POLQ: variants seen among roughly 807,000 people sequenced by gnomAD.
POLQ encodes DNA polymerase theta, also known as epididymis secretory sperm binding protein.
POLQ carries 233 observed loss-of-function variants against 259.2 expected under a neutral mutation model. The observed-to-expected ratio is 0.90, with a 90% CI of 0.81 to 1.00. The LOEUF (loss-of-function observed/expected upper bound fraction) is 1.00, where lower values mean the gene tolerates loss of function less well. Among genes scored for constraint, POLQ ranks in the 50% least tolerant of loss-of-function variants. The pLI is 0.00. For missense variants in POLQ, 2,871 were observed against 3,051.6 expected (o/e 0.94, Z 1.39); for synonymous variants, 1,025 against 1,048.8 (o/e 0.98, Z 0.44).
rs762692389 is a variant in POLQ, at chr3:121,529,644, C to T, written c.1108+1G>A. 6.2e-7 allele frequency: 1 copy of T among 1,612,908 alleles called. No individual in the cohort carries two copies. Among genetic ancestry groups the T allele is most frequent in the Non-Finnish European group, 8.5e-7 (1 of 1,179,506 alleles). On this transcript the variant is annotated splice_donor_variant, in intron 7 of 29. Coordinates refer to ENST00000264233, the MANE Select transcript of POLQ (RefSeq NM_199420.4). LOFTEE classifies it high-confidence loss of function. Reference sequence around the variant, plus strand: ...GGCTTTCCTTTCCATCCATAACTCACCCTCAGCTTGATGATGTAGATTATA... The same window carrying T: ...GGCTTTCCTTTCCATCCATAACTCATCCTCAGCTTGATGATGTAGATTATA...
chr3:121,499,149 TCTAA>T (rs1410457739), intron 12 of POLQ, among the ~76,000 whole-genome samples: 6 of 152,224 alleles, frequency 3.9e-5, no homozygotes, highest in Middle Eastern at 3.4e-3. Flanking sequence ...TACAAAAATG[TCTAA>T]CTGTGATAAT....
At chr3:121,544,627 C>G (rs1039160618) in intron 2 of POLQ, 100 bp downstream of exon 2, 2 of 699,322 alleles carry the variant, frequency 2.9e-6, no homozygotes, top group East Asian at 2.8e-5. Flanking sequence ...TTATAAAGCA[C>G]TGCCTCATTC....
intron 28 of POLQ, among the ~76,000 whole-genome samples, chr3:121,434,339 T>A (rs1038120918): frequency 3.1e-4 from 47 of 152,354 alleles, no homozygotes; most frequent in African/African-American, 1.1e-3. Context: ...ACTGTCTGTA[T>A]CCTCATTTTG....
chr3:121,537,292 T>C, intron 4 of POLQ, 84 bp from the exon 5 acceptor site: 1 of 756,006 alleles, frequency 1.3e-6, no homozygotes, highest in East Asian at 2.5e-5. Context: ...TCACTCTATT[T>C]AATTTCCTTT....
Position 121,511,984 on chromosome 3 carries a change from A to G in POLQ, c.1514T>C (p.Ile505Thr). 6.2e-7 allele frequency: 1 copy of G among 1,613,546 alleles called. No individual in the cohort carries two copies. The highest frequency in any genetic ancestry group is 8.5e-7 in the Non-Finnish European group (1 of 1,179,524). ...CTTTAGAGAACCCTGAAGGAGAGCT[A>G]TGCCTTTTGATTTCTCAGAGTTCTT... ...ICKNSEKSKG[I>T]ALLQGSLKPV... Residue 505 changes from isoleucine to threonine, a missense_variant, in exon 10 of 30, where the codon ATA becomes ACA. Coordinates refer to ENST00000264233, the MANE Select transcript of POLQ (RefSeq NM_199420.4).
chr3:121,448,013 T>G (rs1328716048), intron 26 of POLQ, among the ~76,000 whole-genome samples: 1 of 152,188 alleles, frequency 6.6e-6, no homozygotes, highest in Non-Finnish European at 1.5e-5. Context: ...TTCTTTGGGT[T>G]AAATCTGTTC....
rs1287915078 is a variant in POLQ at position 121,533,176 on chromosome 3, A to G, written c.774T>C (p.Ala258=). The G allele has an allele frequency of 1.2e-6, 2 of 1,609,460 alleles. No homozygotes were observed. The highest frequency in any genetic ancestry group is 2.2e-5 in the East Asian group (1 of 44,820). The change falls in exon 6 of 30, where the codon GCT becomes GCC. Residue 258 remains alanine, a synonymous_variant. Transcript: ENST00000264233. ...TAGCACTCATGCCAACGATTTGCAC[A>G]GCATTAGACAGAGAACTGGCTAGAT... ...QADLASSLSN[A]VQIVGMSATL...
At position 121,535,715 on chromosome 3, in the gene POLQ, C is replaced by CAA. The variant is rs34317903; in HGVS notation, c.740+1383_740+1384dup. ...TGGGCAAAAGAGCGGAACTCCATCTCAAAAAAAAAAAAAAAAAAGAAAGAA... is the reference window on the plus strand; with the variant it reads ...TGGGCAAAAGAGCGGAACTCCATCTCAAAAAAAAAAAAAAAAAAAAGAAAGAA... On this transcript the variant is annotated intron_variant, in intron 5 of 29. Coordinates refer to ENST00000264233, the MANE Select transcript of POLQ (RefSeq NM_199420.4). Among the ~76,000 whole-genome samples the CAA allele has an allele frequency of 6.6e-3, 705 of 107,074 alleles. 8 individuals carry two copies. The highest frequency in any genetic ancestry group is 0.016 in the African/African-American group (444 of 26,950). The allele number at this position is 107,074 out of a possible 152,430, so 70.2% of individuals were successfully genotyped here. A position where few individuals can be genotyped will look rare whatever the true frequency, so the allele number is the denominator to read the frequency against.
chr3:121,434,860 A>T (rs546382330), intron 28 of POLQ, among the ~76,000 whole-genome samples: 1 of 152,262 alleles, frequency 6.6e-6, no homozygotes, highest in East Asian at 1.9e-4. Context: ...AAAATTTAAA[A>T]CATGCCTCCT....
chr3:121,523,585 T>C (rs1021205724), intron 7 of POLQ, among the ~76,000 whole-genome samples: 2 of 151,982 alleles, frequency 1.3e-5, no homozygotes, highest in African/African-American at 2.4e-5. Flanking sequence ...CATGGTGGCA[T>C]GCACCTATAG....
chr3:121,488,576 T>C lies in POLQ; in HGVS notation c.4355A>G (p.Gln1452Arg), dbSNP rs1221263905. 2 of 1,611,374 alleles carry C rather than the reference T, an allele frequency of 1.2e-6. No homozygotes were observed. Among genetic ancestry groups the C allele is most frequent in the Admixed American group, 3.4e-5 (2 of 59,500 alleles). Residue 1452 changes from glutamine to arginine, a missense_variant, in exon 16 of 30, where the codon CAA becomes CGA. By Grantham distance (43) the Gln-to-Arg change is conservative. Transcript: ENST00000264233. ...LNSFLQGYQT[Q>R]ETVKPVILLI... is the part of the protein sequence containing the mutation. ...AAGTATAACTGGTTTCACAGTTTCT[T>C]GTGTTTGATAACCTTGAAGAAAACT...
At chr3:121,461,976 G>A (rs1309534086) in intron 24 of POLQ, among the ~76,000 whole-genome samples, 1 of 152,174 alleles carries the variant, frequency 6.6e-6, no homozygotes, top group Non-Finnish European at 1.5e-5. Context: ...TACAGGTTGA[G>A]CATCCCTAAT....
At position 121,432,389 on chromosome 3, in the gene POLQ, T is replaced by C. The variant is rs776406905; in HGVS notation, c.7688A>G (p.Glu2563Gly). 8.1e-6 allele frequency: 13 copies of C among 1,608,726 alleles called. No homozygotes were observed. The highest frequency in any genetic ancestry group is 3.3e-4 in the Middle Eastern group (2 of 6,076). Residue 2563 changes from glutamate to glycine, a missense_variant, in exon 30 of 30, where the codon GAA (glutamate) becomes GGA (glycine). Glu to Gly is a moderately conservative substitution (Grantham distance 98). Around this residue, in one of 3 missense-constraint regions of POLQ, gnomAD observed 2,080 missense variants for 2,126.0 expected, o/e 0.98. Transcript: ENST00000264233. ...QVAQIVKNEM[E>G]SAVKLSVKLK... ...TTTCACAGACAGTTTTACAGCACTT[T>C]CCATTTCATTCTTGACAATCTGAGC...
intron 5 of POLQ, among the ~76,000 whole-genome samples, chr3:121,535,715 C>CAAAAA (rs34317903): frequency 4.7e-5 from 5 of 107,326 alleles, no homozygotes; most frequent in African/African-American, 7.4e-5. Flanking sequence ...AACTCCATCT[C>CAAAAA]AAAAAAAAAA....
At chr3:121,528,800 A>G (rs563815674) in intron 7 of POLQ, among the ~76,000 whole-genome samples, 1 of 152,228 alleles carries the variant, frequency 6.6e-6, no homozygotes, top group Non-Finnish European at 1.5e-5. Context: ...ACAAATACAA[A>G]AATTAGCCGG....
At chr3:121,476,799 T>A in intron 19 of POLQ, 66 bp from the exon 20 acceptor site, 1 of 1,065,662 alleles carries the variant, frequency 9.4e-7, no homozygotes, top group Non-Finnish European at 1.4e-6. Context: ...CAGCCTTACC[T>A]AAACTATACA....
intron 6 of POLQ, among the ~76,000 whole-genome samples, chr3:121,531,313 T>A (rs1448633159): frequency 2.0e-5 from 3 of 152,006 alleles, no homozygotes; most frequent in Non-Finnish European, 4.4e-5. Context: ...ATGGTGACAT[T>A]TGAGTAAAAA....
intron 23 of POLQ, 53 bp downstream of exon 23, chr3:121,468,252 C>A (rs2047854451): frequency 7.1e-7 from 1 of 1,408,138 alleles, no homozygotes; most frequent in Non-Finnish European, 9.8e-7. Context: ...CTATTTTGAG[C>A]CATTCATACT....
intron 25 of POLQ, among the ~76,000 whole-genome samples, chr3:121,453,775 A>C (rs369088912): frequency 6.6e-6 from 1 of 152,244 alleles, no homozygotes; most frequent in Admixed American, 6.5e-5. Context: ...TGAAAGTGAC[A>C]GGGAGAATGG....
Sources: allele counts gnomAD v4.1 joint callset (sites outside exome capture counted in the v4.1 genomes callset), GRCh38; gene constraint gnomAD v4.1.1; regional missense constraint gnomAD v4.1.1; transcripts MANE v1.5; gene names NCBI Gene and HGNC (gene_info 2026-07-23, HGNC 2026-07-21).